The following ZNF347 variants were observed in gnomAD, a reference collection of about 807,000 sequenced individuals.
ZNF347 encodes zinc finger protein 347, also known as CTD-2620I22.7.
A neutral mutation model predicts 12.9 loss-of-function variants in ZNF347; 19 were observed. The observed-to-expected ratio is 1.47, with a 90% confidence interval of 1.03 to 2.16. ZNF347 has a LOEUF of 2.16. Ranked by LOEUF, ZNF347 falls within the 30% of genes most tolerant of loss-of-function variation. The pLI, the probability that ZNF347 is intolerant of heterozygous loss-of-function variation, is 0.00. For missense variants in ZNF347, 1,005 were observed against 990.6 expected (o/e 1.01, Z -0.19); for synonymous variants, 328 against 340.6 (o/e 0.96, Z 0.41).
chr19:53,153,155 A>C (rs2090509680), intron 2 of ZNF347, among the ~76,000 whole-genome samples: 1 of 152,138 alleles, frequency 6.6e-6, no homozygotes, highest in Non-Finnish European at 1.5e-5. Flanking sequence ...TTCATGTATT[A>C]AAATAGATGA....
chr19:53,151,724 C>T (rs1214917721), intron 2 of ZNF347, among the ~76,000 whole-genome samples: 1 of 152,018 alleles, frequency 6.6e-6, no homozygotes, highest in Non-Finnish European at 1.5e-5. Flanking sequence ...AATGTGATAG[C>T]TGAGAACAAA....
At chr19:53,153,218 C>T (rs1038674143) in intron 2 of ZNF347, among the ~76,000 whole-genome samples, 2 of 152,206 alleles carry the variant, frequency 1.3e-5, no homozygotes, top group Non-Finnish European at 2.9e-5. Flanking sequence ...AATTCCCATT[C>T]CATTCCCAGT....
chr19:53,149,601 A>T, intron 2 of ZNF347: 1 of 698,940 alleles, frequency 1.4e-6, no homozygotes, highest in Non-Finnish European at 2.1e-6. Context: ...GGAGGCCCCA[A>T]GATAGTTTCA....
chr19:53,156,905 T>C (rs35425657), intron 1 of ZNF347, among the ~76,000 whole-genome samples: 24,779 of 152,186 alleles, frequency 0.16, 2,330 homozygotes, highest in Middle Eastern at 0.24. Context: ...TAGTGTCTGA[T>C]AGAGAACGGG....
Position 53,135,853 on chromosome 19 carries a change from AATAT to A in ZNF347, c.*4451_*4454del, listed in dbSNP as rs1485931521. 6.6e-6 allele frequency: 1 copy of A among 152,136 alleles called. No individual in the cohort carries two copies. Among genetic ancestry groups the A allele is most frequent in the African/African-American group, 2.4e-5 (1 of 41,430 alleles). The allele number at this position is 152,136 out of a possible 1,614,324, so 9.4% of individuals were successfully genotyped here. A position where few individuals can be genotyped will look rare whatever the true frequency, so the allele number is the denominator to read the frequency against. ...TGCAAAGATAAATCACTTATTAAAG[AATAT>A]ATATCAGTTTTTTAAAATGGAAACA... On this transcript the variant is annotated 3_prime_UTR_variant, in exon 5 of 5. Coordinates refer to ENST00000334197, the MANE Select transcript of ZNF347 (RefSeq NM_032584.3).
intron 4 of ZNF347, among the ~76,000 whole-genome samples, chr19:53,144,306 A>C (rs2090448962): frequency 6.6e-6 from 1 of 152,196 alleles, no homozygotes; most frequent in Non-Finnish European, 1.5e-5. Context: ...ATGGAACTAG[A>C]AATCAAAAAA....
chr19:53,152,981 CCTCT>C (rs1260625887), intron 2 of ZNF347, among the ~76,000 whole-genome samples: 16 of 151,960 alleles, frequency 1.1e-4, no homozygotes, highest in Non-Finnish European at 5.9e-5. Context: ...GTGGTTCTAC[CCTCT>C]CTAATGGGAA....
chr19:53,138,604 A>G lies in ZNF347; in HGVS notation c.*1704T>C, dbSNP rs1012426847. ...TCATTATATCCATATAAATATTCTA[A>G]GGCAGAGTGTAGAGAGAATAATTCA... On this transcript the variant is annotated 3_prime_UTR_variant, in exon 5 of 5. Coordinates refer to ENST00000334197, the MANE Select transcript of ZNF347 (RefSeq NM_032584.3). 3.9e-5 allele frequency: 6 copies of G among 152,194 alleles called. No individual in the cohort carries two copies. Among genetic ancestry groups the G allele is most frequent in the African/African-American group, 1.4e-4 (6 of 41,450 alleles). 9.4% of individuals were successfully genotyped at this position (152,194 alleles called of 1,614,324 possible). A position where few individuals can be genotyped will look rare whatever the true frequency, so the allele number is the denominator to read the frequency against.
At position 53,149,272 on chromosome 19, in the gene ZNF347, C is replaced by T; in HGVS notation, c.111G>A (p.Met37Ile). The T allele has an allele frequency of 1.2e-6, 2 of 1,613,664 alleles. No individual in the cohort carries two copies. The highest frequency in any genetic ancestry group is 2.2e-5 in the East Asian group (1 of 44,860). ...AGGCCAGGTTCCTATAATTCTCCAACATCACGTCCCTGTACAAAGTCCTCT... is the reference window on the plus strand; with the variant it reads ...AGGCCAGGTTCCTATAATTCTCCAATATCACGTCCCTGTACAAAGTCCTCT... ...PAQRTLYRDV[M>I]LENYRNLASL... The change falls in exon 3 of 5, where the codon ATG (methionine) becomes ATA (isoleucine). Residue 37 changes from methionine (M) to isoleucine (I), a missense_variant. Transcript: ENST00000334197.
At chr19:53,158,849 AT>A (rs2090553233) in intron 1 of ZNF347, 159 bp downstream of exon 1, 1 of 149,318 alleles carries the variant, frequency 6.7e-6, no homozygotes, top group Non-Finnish European at 1.5e-5. Context: ...GTGAGCCGAA[AT>A]CGCGCCATTG....
At chr19:53,154,515 C>G (rs1164627182) in intron 1 of ZNF347, among the ~76,000 whole-genome samples, 1 of 151,938 alleles carries the variant, frequency 6.6e-6, no homozygotes, top group Non-Finnish European at 1.5e-5. Context: ...AAAAAAGTGG[C>G]TGGAGGACTA....
In ZNF347 at chr19:53,141,235, A is replaced by ACCAG. The variant is rs1225070675; in HGVS notation, c.1592_1593insCTGG (p.Gln532TrpfsTer14). On this transcript the variant is annotated frameshift_variant, in exon 5 of 5. Coordinates refer to ENST00000334197, the MANE Select transcript of ZNF347 (RefSeq NM_032584.3). LOFTEE classifies it low-confidence loss of function (END_TRUNC). ...GCTTCACTCCAGTATGAATTCTTTG[A>ACCAG]TGATTTGCAAGGTGTGAATTTTGAG... The ACCAG allele has an allele frequency of 6.2e-7, 1 of 1,613,030 alleles. No individual in the cohort carries two copies. Among genetic ancestry groups the ACCAG allele is most frequent in the Non-Finnish European group, 8.5e-7 (1 of 1,179,708 alleles).
rs374289703 is a variant in ZNF347, at chr19:53,140,943, C to T, written c.1885G>A (p.Glu629Lys). The change falls in exon 5 of 5, where the codon GAG becomes AAG. Residue 629 changes from glutamate to lysine, a missense_variant. Coordinates refer to ENST00000334197, the MANE Select transcript of ZNF347 (RefSeq NM_032584.3). The part of the protein sequence containing the change: ...HTGEKPYKYN[E>K]YGKAFSEHSN... ...TGTTCACTAAAGGCTTTGCCATACT[C>T]ATTATACTTGTAAGGTTTCTCTCCA... 1.1e-5 allele frequency: 18 copies of T among 1,613,316 alleles called. No individual in the cohort carries two copies. In the African/African-American group the frequency reaches 2.1e-4, roughly 19 times the overall value.
Position 53,142,021 on chromosome 19 carries a change from G to C in ZNF347, c.807C>G (p.Val269=). The C allele has an allele frequency of 6.2e-7, 1 of 1,614,074 alleles. No individual in the cohort carries two copies. The highest frequency in any genetic ancestry group is 8.5e-7 in the Non-Finnish European group (1 of 1,179,984). Residue 269 remains valine, a synonymous_variant, in exon 5 of 5, where the codon GTC becomes GTG. Coordinates refer to ENST00000334197, the MANE Select transcript of ZNF347 (RefSeq NM_032584.3). ...TTGCAAGGTGTGAATTTTGAGGAAA[G>C]ACCATGCCACATCCATTAGATTTGT... ...SPYKSNGCGM[V]FPQNSHLASH... is the part of the protein sequence containing the mutation.
Position 53,141,865 on chromosome 19 carries a change from C to T in ZNF347, c.963G>A (p.Glu321=). Residue 321 remains glutamate (E), a synonymous_variant, in exon 5 of 5, where the codon GAG becomes GAA. Transcript: ENST00000334197. Reference sequence around the variant, plus strand: ...AATTTCGACTAAAGACCTTACCACACTCATTACATTTGTAACGTTTTTCGC... The same window carrying T: ...AATTTCGACTAAAGACCTTACCACATTCATTACATTTGTAACGTTTTTCGC... ...HTGEKRYKCN[E]CGKVFSRNSQ... is the part of the protein sequence containing the mutation. 1 of 1,613,862 alleles carries T rather than the reference C, an allele frequency of 6.2e-7. No individual in the cohort carries two copies. The highest frequency in any genetic ancestry group is 8.5e-7 in the Non-Finnish European group (1 of 1,179,950).
chr19:53,157,774 C>T (rs2090545098), intron 1 of ZNF347, among the ~76,000 whole-genome samples: 1 of 152,174 alleles, frequency 6.6e-6, no homozygotes, highest in Non-Finnish European at 1.5e-5. Flanking sequence ...CGCTGCTTGT[C>T]TGCCCTGGCT....
intron 4 of ZNF347, among the ~76,000 whole-genome samples, chr19:53,148,290 G>A (rs1252547227): frequency 3.3e-5 from 5 of 152,164 alleles, no homozygotes; most frequent in Admixed American, 3.3e-4. Context: ...TTAAAATTTA[G>A]CTAACTATAT....
intron 2 of ZNF347, among the ~76,000 whole-genome samples, chr19:53,150,396 G>A (rs2090489880): frequency 6.6e-6 from 1 of 152,154 alleles, no homozygotes; most frequent in African/African-American, 2.4e-5. Flanking sequence ...TGGGCAGAAT[G>A]TTTCCTTAAT....
intron 2 of ZNF347, among the ~76,000 whole-genome samples, chr19:53,151,249 T>C (rs866389703): frequency 6.6e-6 from 1 of 151,956 alleles, no homozygotes; most frequent in Non-Finnish European, 1.5e-5. Flanking sequence ...AAGAATCAAA[T>C]AGTTGGCCAG....
Sources: gnomAD v4.1 joint callset for allele counts (sites outside exome capture counted in the v4.1 genomes callset) on GRCh38, gnomAD v4.1.1 for gene constraint, MANE v1.5 for transcripts, NCBI Gene and HGNC (gene_info 2026-07-23, HGNC 2026-07-21) for gene names.